Variants in DHX38 observed in about 807,000 individuals in gnomAD.
DHX38 encodes the protein pre-mRNA-splicing factor ATP-dependent RNA helicase PRP16.
In DHX38, 100 loss-of-function variants were observed where a neutral mutation model predicts 153.1. The observed-to-expected ratio is 0.65, with a 90% confidence interval of 0.56 to 0.77. The LOEUF is 0.77. Ranked by LOEUF, DHX38 falls within the 30% of genes least tolerant of loss-of-function variation. DHX38 has a pLI of 0.00. For synonymous variants in DHX38, 650 were observed against 631.7 expected, an observed-to-expected ratio of 1.03 and a Z score of -0.43; for missense variants, 1,440 against 1,654.0, an observed-to-expected ratio of 0.87 and a Z score of 2.24.
At position 72,106,100 on chromosome 16, in the gene DHX38, C is replaced by T; in HGVS notation, c.2583C>T (p.Gly861=). Residue 861 remains glycine (G), a synonymous_variant, in exon 19 of 27, where the codon GGC becomes GGT. Transcript: ENST00000268482. Reference sequence around the variant, plus strand: ...GGTCAGGGCGAGCCGGCAGGACGGGCCCAGGTCAGTGTTTCAGGTAGGAGC... The same window carrying T: ...GGTCAGGGCGAGCCGGCAGGACGGGTCCAGGTCAGTGTTTCAGGTAGGAGC... ...NQRSGRAGRT[G]PGQCFRLYTQ... The T allele has an allele frequency of 6.2e-7, 1 of 1,614,166 alleles. No individual in the cohort carries two copies. Among genetic ancestry groups the T allele is most frequent in the South Asian group, 1.1e-5 (1 of 91,090 alleles).
chr16:72,110,241 G>A (rs1233293179), intron 25 of DHX38, among the ~76,000 whole-genome samples: 1 of 152,248 alleles, frequency 6.6e-6, no homozygotes, highest in Non-Finnish European at 1.5e-5. Flanking sequence ...GCTCACAGCG[G>A]TGTTTAACCT....
At chr16:72,099,997 G>A (rs1276246735) in intron 8 of DHX38, 110 bp downstream of exon 8, 10 of 1,396,912 alleles carry the variant, frequency 7.2e-6, no homozygotes, top group East Asian at 5.0e-5. Context: ...CCTGATTGCC[G>A]AGAAGCCCAG....
At chr16:72,099,159 G>A (rs574788791) in intron 6 of DHX38, 45 bp from the exon 7 acceptor site, 2 of 1,595,644 alleles carry the variant, frequency 1.3e-6, no homozygotes, top group South Asian at 1.1e-5. Flanking sequence ...GGGCCGCTGG[G>A]GACAGGCCAG....
chr16:72,096,841 G>C lies in DHX38; in HGVS notation c.343G>C (p.Val115Leu). The stretch of plus-strand genomic sequence containing the variant: ...TTTCAGACATTATCGGTCTGCTCGG[G>C]TAGAGACTCCATCCCATCCGGGTGG... ...RKDRHYRSARVETPSHPGGVS... is the reference protein window; with the variant it reads ...RKDRHYRSARLETPSHPGGVS... Residue 115 changes from valine to leucine, a missense_variant, in exon 3 of 27, where the codon GTA (valine) becomes CTA (leucine). By Grantham distance (32) the Val-to-Leu change is conservative. Transcript: ENST00000268482. 2 of 1,613,660 alleles carry C rather than the reference G, an allele frequency of 1.2e-6. No homozygotes were observed. Among genetic ancestry groups the C allele is most frequent in the Non-Finnish European group, 1.7e-6 (2 of 1,179,856 alleles).
chr16:72,102,261 T>C (rs1166641851), intron 11 of DHX38, among the ~76,000 whole-genome samples: 1 of 152,234 alleles, frequency 6.6e-6, no homozygotes, highest in Non-Finnish European at 1.5e-5. Context: ...GTTGGTACTA[T>C]TGATCAGCCC....
chr16:72,101,046 T>C (rs2042092860), intron 9 of DHX38, 40 bp from the exon 10 acceptor site: 1 of 1,597,122 alleles, frequency 6.3e-7, no homozygotes, highest in Non-Finnish European at 8.6e-7. Context: ...GCCTTCTTGC[T>C]GATTTTAACG....
chr16:72,099,233 T>G lies in DHX38; in HGVS notation c.913T>G (p.Ser305Ala). 1 of 1,612,754 alleles carries G rather than the reference T, an allele frequency of 6.2e-7. No homozygotes were observed. The change falls in exon 7 of 27, where the codon TCA (serine) becomes GCA (alanine). Residue 305 changes from serine (S) to alanine (A), a missense_variant. Physicochemically the swap from Ser to Ala is moderately conservative, Grantham distance 99. Coordinates refer to ENST00000268482, the MANE Select transcript of DHX38 (RefSeq NM_014003.4). ...ACGTGAGGAGGGCGAAGAAGGAATT[T>G]CATTTGACACGGAGGAGGAGCGGCA... Reference protein sequence around the residue: ...GRREEGEEGISFDTEEERQQW... With the variant: ...GRREEGEEGIAFDTEEERQQW...
Position 72,103,689 on chromosome 16 carries a change from G to C in DHX38, c.1725G>C (p.Thr575=), listed in dbSNP as rs1597444263. ...LTQYLHEDGY[T]DYGMIGCTQP... is the part of the protein sequence containing the mutation. ...AGTACCTGCATGAAGATGGTTACAC[G>C]GACTATGGGATGATTGGGTGTACCC... Residue 575 remains threonine (T), a synonymous_variant, in exon 13 of 27, where the codon ACG becomes ACC. Transcript: ENST00000268482. The C allele has an allele frequency of 6.2e-7, 1 of 1,614,160 alleles. No homozygotes were observed. Among genetic ancestry groups the C allele is most frequent in the Non-Finnish European group, 8.5e-7 (1 of 1,180,002 alleles).
chr16:72,097,813 T>G (rs1337990794), intron 4 of DHX38, 32 bp downstream of exon 4: 1 of 1,585,926 alleles, frequency 6.3e-7, no homozygotes, highest in Admixed American at 1.7e-5. Context: ...CTTGTGAGGA[T>G]TCAAGTGTAT....
Position 72,108,396 on chromosome 16 carries a change from T to C in DHX38, c.3120+14T>C, listed in dbSNP as rs770524680. ...GCCATGCGGAAGGTAGAGTGGTGGA[T>C]GAGCAGGATGTTGGGATGAGGGGAG... On this transcript the variant is annotated intron_variant, in intron 22 of 26. Transcript: ENST00000268482. The C allele has an allele frequency of 6.2e-7, 1 of 1,613,932 alleles. No homozygotes were observed. The highest frequency in any genetic ancestry group is 1.1e-5 in the South Asian group (1 of 91,080).
At chr16:72,101,454 G>C in intron 10 of DHX38, 46 bp from the exon 11 acceptor site, 1 of 1,517,282 alleles carries the variant, frequency 6.6e-7, no homozygotes, top group Non-Finnish European at 9.0e-7. Flanking sequence ...TCCATTGCTC[G>C]CAGTCATGTG....
rs775322616 is a variant in DHX38 at position 72,097,682 on chromosome 16, C to T, written c.517C>T (p.Arg173Trp). ...DYDRKRDRDE[R>W]DRSRHSSRSE... Reference sequence around the variant, plus strand: ...CTTCGTGTGACTCTTCATAGATGAGCGGGATAGAAGTAGGCACAGCAGCAG... The same window carrying T: ...CTTCGTGTGACTCTTCATAGATGAGTGGGATAGAAGTAGGCACAGCAGCAG... Residue 173 changes from arginine to tryptophan, a missense_variant, in exon 4 of 27, where the codon CGG becomes TGG. Arg to Trp is a moderately radical substitution (Grantham distance 101). Coordinates refer to ENST00000268482, the MANE Select transcript of DHX38 (RefSeq NM_014003.4). The T allele has an allele frequency of 1.6e-5, 26 of 1,613,610 alleles. No individual in the cohort carries two copies. The South Asian group carries it at 2.3e-4, about 14-fold the overall frequency.
chr16:72,098,786 G>GAGA lies in DHX38; in HGVS notation c.759_761dup (p.Arg253_Asp254insGlu). 6.2e-7 allele frequency: 1 copy of GAGA among 1,614,100 alleles called. No individual in the cohort carries two copies. Among genetic ancestry groups the GAGA allele is most frequent in the Non-Finnish European group, 8.5e-7 (1 of 1,179,988 alleles). ...AGCCATCGGCTGTCCACTCGAGATC[G>GAGA]AGACAGGTGATGTTCTGGGCAGAGC... On this transcript the variant is annotated inframe_insertion, in exon 5 of 27. Transcript: ENST00000268482.
In DHX38 at chr16:72,109,706, CAA is replaced by C; in HGVS notation, c.3477+199_3477+200del. The C allele has an allele frequency of 8.5e-6, 4 of 468,182 alleles. No individual in the cohort carries two copies. In the South Asian group the frequency reaches 1.3e-4, roughly 16 times the overall value. The allele number at this position is 468,182 out of a possible 1,614,324, so 29.0% of individuals were successfully genotyped here. ...GTTTGGTAGGCTGAGCCTTTAAAAACAAAACCAAAAAACTCATTATTGAAAAG... is the reference window on the plus strand; with the variant it reads ...GTTTGGTAGGCTGAGCCTTTAAAAACAACCAAAAAACTCATTATTGAAAAG... On this transcript the variant is annotated intron_variant, in intron 25 of 26. Coordinates refer to ENST00000268482, the MANE Select transcript of DHX38 (RefSeq NM_014003.4).
At position 72,108,485 on chromosome 16, in the gene DHX38, C is replaced by T. The variant is rs780833182; in HGVS notation, c.3133C>T (p.Arg1045Ter). Residue 1045 changes from arginine (R) to a stop codon, truncating the protein, a stop_gained, in exon 23 of 27, where the codon CGA becomes TGA. Transcript: ENST00000268482. LOFTEE classifies it high-confidence loss of function. ...AKAMRKVREV[R>*]AQLKDIMVQQ... Reference sequence around the variant, plus strand: ...TCTCCTGCCCTAGGTCCGGGAGGTGCGAGCTCAACTCAAGGACATCATGGT... The same window carrying T: ...TCTCCTGCCCTAGGTCCGGGAGGTGTGAGCTCAACTCAAGGACATCATGGT... 3 of 1,613,990 alleles carry T rather than the reference C, an allele frequency of 1.9e-6. No homozygotes were observed. The highest frequency in any genetic ancestry group is 1.3e-5 in the African/African-American group (1 of 74,902).
At chr16:72,110,900 G>GAGAGTAGTGTAGA in intron 25 of DHX38, 56 bp from the exon 26 acceptor site, 4 of 1,519,932 alleles carry the variant, frequency 2.6e-6, no homozygotes, top group South Asian at 2.5e-5. Flanking sequence ...TGCCGACGAG[G>GAGAGTAGTGTAGA]CCTCCTTCCT....
At chr16:72,105,853 G>A in intron 18 of DHX38, 152 bp from the exon 19 acceptor site, 1 of 736,130 alleles carries the variant, frequency 1.4e-6, no homozygotes, top group South Asian at 1.7e-5. Flanking sequence ...GTGTTTGTGG[G>A]GAAGACTTCT....
chr16:72,105,072 C>G lies in DHX38; in HGVS notation c.2197C>G (p.Gln733Glu). The G allele has an allele frequency of 6.2e-7, 1 of 1,614,252 alleles. No individual in the cohort carries two copies. The highest frequency in any genetic ancestry group is 8.5e-7 in the Non-Finnish European group (1 of 1,180,048). Reference protein sequence around the residue: ...YVEAAVKQSLQVHLSGAPGDI... With the variant: ...YVEAAVKQSLEVHLSGAPGDI... ...GGAGGCTGCAGTGAAGCAGTCCTTG[C>G]AGGTGCACCTGTCGGGGGCCCCTGG... The change falls in exon 16 of 27, where the codon CAG becomes GAG. Residue 733 changes from glutamine to glutamate, a missense_variant. Coordinates refer to ENST00000268482, the MANE Select transcript of DHX38 (RefSeq NM_014003.4).
At chr16:72,103,268 C>T in intron 12 of DHX38, 57 bp downstream of exon 12, 2 of 1,575,266 alleles carry the variant, frequency 1.3e-6, no homozygotes, top group Non-Finnish European at 1.7e-6. Context: ...CCTTGGTCTC[C>T]CATGTTTACC....
Sources: gnomAD v4.1 joint callset for allele counts (sites outside exome capture counted in the v4.1 genomes callset) on GRCh38, gnomAD v4.1.1 for gene constraint, MANE v1.5 for transcripts, NCBI Gene and HGNC (gene_info 2026-07-23, HGNC 2026-07-21) for gene names.